The following HDLBP variants were observed in gnomAD, a reference collection of about 807,000 sequenced individuals.
The protein encoded by HDLBP is high density lipoprotein binding protein.
HDLBP carries 30 observed loss-of-function variants against 137.3 expected under a neutral mutation model. The observed-to-expected ratio is 0.22, with a 90% CI of 0.16 to 0.30. The LOEUF is 0.30. Among genes scored for constraint, HDLBP ranks in the 10% least tolerant of loss-of-function variants. The pLI, the probability that HDLBP is intolerant of heterozygous loss-of-function variation, is 1.00. For synonymous variants in HDLBP, 606 were observed against 596.0 expected (o/e 1.02, Z -0.24); for missense variants, 1,119 against 1,667.3 (o/e 0.67, Z 5.73).
chr2:241,305,284 C>T (rs953253456), intron 1 of HDLBP, among the ~76,000 whole-genome samples: 3 of 152,134 alleles, frequency 2.0e-5, no homozygotes, highest in South Asian at 2.1e-4. Flanking sequence ...TCACTACACC[C>T]GGCTAATTCT....
chr2:241,308,519 C>T (rs768927932), intron 1 of HDLBP, among the ~76,000 whole-genome samples: 2 of 152,180 alleles, frequency 1.3e-5, no homozygotes, highest in Non-Finnish European at 2.9e-5. Flanking sequence ...GCCAAAGTTC[C>T]GTTTCATTCA....
At chr2:241,304,641 A>G (rs558507684) in intron 1 of HDLBP, among the ~76,000 whole-genome samples, 2 of 152,376 alleles carry the variant, frequency 1.3e-5, no homozygotes, top group East Asian at 3.9e-4. Context: ...AATCAATGAA[A>G]GATATTCAAA....
chr2:241,256,862 A>G lies in HDLBP; in HGVS notation c.451-56T>C, dbSNP rs1289170569. 4 of 1,470,338 alleles carry G rather than the reference A, an allele frequency of 2.7e-6. No individual in the cohort carries two copies. The African/African-American group carries it at 4.2e-5, about 15-fold the overall frequency. 91.1% of individuals were successfully genotyped at this position (1,470,338 alleles called of 1,614,324 possible). ...GAATATTTGTAGGTTCTGAAGGAGC[A>G]TATTTTTCCAAGACATTCTGGCAGA... is the stretch of plus-strand genomic sequence containing the variant. On this transcript the variant is annotated intron_variant, in intron 5 of 27. Transcript: ENST00000310931.
At chr2:241,312,414 T>C (rs1267906114) in intron 1 of HDLBP, among the ~76,000 whole-genome samples, 2 of 152,260 alleles carry the variant, frequency 1.3e-5, no homozygotes, top group African/African-American at 4.8e-5. Flanking sequence ...AACCAAGTTT[T>C]AAAATATTAT....
At chr2:241,310,407 A>G (rs7565186) in intron 1 of HDLBP, among the ~76,000 whole-genome samples, 79,490 of 151,678 alleles carry the variant, frequency 0.52, 21,645 homozygotes, top group East Asian at 0.78. Context: ...AAGTGCTGAC[A>G]GTAATCTCAT....
chr2:241,233,422 G>A lies in HDLBP; in HGVS notation c.3288+398C>T, dbSNP rs2070027816. On this transcript the variant is annotated intron_variant, in intron 24 of 27. Transcript: ENST00000310931. This position sits in a 1 kb window ranked among gnomAD's most constrained non-coding sequence, Gnocchi z 4.3. ...GGCAAGCACAACGGTGTTTGCAGCT[G>A]GGGCTGCAGAGAAATGTCCACCTGA... Among the ~76,000 whole-genome samples, 1 of 152,142 alleles carries A rather than the reference G, an allele frequency of 6.6e-6. No homozygotes were observed. The highest frequency in any genetic ancestry group is 1.5e-5 in the Non-Finnish European group (1 of 68,016).
intron 26 of HDLBP, 38 bp from the exon 27 acceptor site, chr2:241,229,999 C>T (rs1191629497): frequency 1.2e-5 from 18 of 1,557,040 alleles, no homozygotes; most frequent in African/African-American, 1.4e-5. Flanking sequence ...TCAGTCTGCC[C>T]AGCACCCCCA....
In HDLBP at chr2:241,272,234, GAC is replaced by G; in HGVS notation, c.-102-3695_-102-3694del. The G allele has an allele frequency of 6.2e-6, 6 of 971,116 alleles. No individual in the cohort carries two copies. Among genetic ancestry groups the G allele is most frequent in the Non-Finnish European group, 6.1e-6 (5 of 817,054 alleles). 60.2% of individuals were successfully genotyped at this position (971,116 alleles called of 1,614,324 possible). A position where few individuals can be genotyped will look rare whatever the true frequency, so the allele number is the denominator to read the frequency against. On this transcript the variant is annotated intron_variant, in intron 1 of 27. Coordinates refer to ENST00000310931, the MANE Select transcript of HDLBP (RefSeq NM_005336.6). The surrounding 1 kb of genome is among the most constrained non-coding windows in gnomAD (Gnocchi z 5.6). ...GGCCCCGCCGCCCGGTCTGCGCCCA[GAC>G]CCCCGCCCCGCCGCCACCTGGGGGG...
chr2:241,301,990 G>A (rs550012611), intron 1 of HDLBP, among the ~76,000 whole-genome samples: 25 of 151,886 alleles, frequency 1.6e-4, no homozygotes, highest in Non-Finnish European at 2.2e-4. Flanking sequence ...CAACACTTTG[G>A]GAGGCCGAGG....
In HDLBP at chr2:241,272,575, G is replaced by A. The variant is rs1408330916; in HGVS notation, c.-102-4034C>T. The A allele has an allele frequency of 2.0e-6, 2 of 984,038 alleles. No homozygotes were observed. The highest frequency in any genetic ancestry group is 2.4e-6 in the Non-Finnish European group (2 of 829,462). The allele number at this position is 984,038 out of a possible 1,614,324, so 61.0% of individuals were successfully genotyped here. A position where few individuals can be genotyped will look rare whatever the true frequency, so the allele number is the denominator to read the frequency against. ...CCCAGGTCTGGCCCGGAACCGCCAC[G>A]CGCGGTAAGCAGGACACCCGCGGGC... On this transcript the variant is annotated intron_variant, in intron 1 of 27. Transcript: ENST00000310931. The surrounding 1 kb of genome is among the most constrained non-coding windows in gnomAD (Gnocchi z 5.6).
intron 1 of HDLBP, among the ~76,000 whole-genome samples, chr2:241,293,374 A>G (rs13430963): frequency 0.03 from 4,559 of 152,126 alleles, 233 homozygotes; most frequent in African/African-American, 0.1. Flanking sequence ...ACACACCTGT[A>G]GTCCCAGCTA....
At chr2:241,288,649 T>C (rs2074912650) in intron 1 of HDLBP, among the ~76,000 whole-genome samples, 1 of 152,172 alleles carries the variant, frequency 6.6e-6, no homozygotes, top group Non-Finnish European at 1.5e-5. Flanking sequence ...GTATGACCCA[T>C]GGGTTTACTG....
chr2:241,231,837 G>A (rs1264592737), intron 24 of HDLBP, among the ~76,000 whole-genome samples: 1 of 152,078 alleles, frequency 6.6e-6, no homozygotes, highest in African/African-American at 2.4e-5. Context: ...CACAATCGGC[G>A]AAAACAACAT....
intron 1 of HDLBP, among the ~76,000 whole-genome samples, chr2:241,301,285 C>T (rs2075389040): frequency 6.6e-6 from 1 of 151,904 alleles, no homozygotes; most frequent in Admixed American, 6.6e-5. Context: ...CTGCACCCGG[C>T]CACACACATA....
intron 1 of HDLBP, among the ~76,000 whole-genome samples, chr2:241,281,476 G>GT (rs1407319259): frequency 6.6e-6 from 1 of 152,180 alleles, no homozygotes; most frequent in Non-Finnish European, 1.5e-5. Context: ...AGTTGAGATC[G>GT]TGACACTGCA....
At chr2:241,298,691 CA>C (rs1335075586) in intron 1 of HDLBP, among the ~76,000 whole-genome samples, 3 of 152,310 alleles carry the variant, frequency 2.0e-5, no homozygotes, top group Non-Finnish European at 4.4e-5. Context: ...GTAAAGTGCA[CA>C]TCACCACTAA....
intron 4 of HDLBP, 88 bp downstream of exon 4, chr2:241,264,360 T>TC (rs2073479364): frequency 6.8e-6 from 5 of 737,346 alleles, no homozygotes; most frequent in Non-Finnish European, 8.1e-6. Context: ...GGACTCTGTC[T>TC]CAAAAAAAAA....
chr2:241,235,094 G>A (rs775765944), intron 23 of HDLBP, 27 bp downstream of exon 23: 1 of 1,608,520 alleles, frequency 6.2e-7, no homozygotes, highest in Non-Finnish European at 8.5e-7. Flanking sequence ...ATGGCTCTGG[G>A]CAGTGCCCCG....
chr2:241,229,739 G>A (rs1013364229), intron 27 of HDLBP, 52 bp from the exon 28 acceptor site: 19 of 1,611,106 alleles, frequency 1.2e-5, no homozygotes, highest in Non-Finnish European at 1.6e-5. Flanking sequence ...CAACTCGCAA[G>A]CAGCTTCCGA....
Sources: allele counts gnomAD v4.1 joint callset (sites outside exome capture counted in the v4.1 genomes callset), GRCh38; gene constraint gnomAD v4.1.1; non-coding constraint Gnocchi (gnomAD v3.1); transcripts MANE v1.5; gene names NCBI Gene and HGNC (gene_info 2026-07-23, HGNC 2026-07-21).